PDE4D: variants seen among roughly 807,000 people sequenced by gnomAD.
PDE4D encodes phosphodiesterase 4D.
PDE4D carries 24 observed loss-of-function variants against 87.4 expected under a neutral mutation model. The observed-to-expected ratio is 0.27, with a 90% CI of 0.20 to 0.39. The LOEUF is 0.39. Ranked by LOEUF, PDE4D falls within the 10% of genes least tolerant of loss-of-function variation. The pLI, the probability that PDE4D is intolerant of heterozygous loss-of-function variation, is 1.00. For synonymous variants in PDE4D, 384 were observed against 383.2 expected, an observed-to-expected ratio of 1.00 and a Z score of -0.02; for missense variants, 714 against 1,041.0, an observed-to-expected ratio of 0.69 and a Z score of 4.32.
At chr5:60,063,518 C>T (rs1771722515) in intron 2 of PDE4D, among the ~76,000 whole-genome samples, 1 of 152,030 alleles carries the variant, frequency 6.6e-6, no homozygotes, top group African/African-American at 2.4e-5. Flanking sequence ...TTGCTTGTTC[C>T]TGGGTGTAGG....
intron 1 of PDE4D, among the ~76,000 whole-genome samples, chr5:60,451,516 G>A (rs960325461): frequency 9.9e-5 from 15 of 151,988 alleles, no homozygotes; most frequent in East Asian, 3.9e-4. Flanking sequence ...AGTCTTGGCC[G>A]CTCTCTCAAT....
intron 1 of PDE4D, among the ~76,000 whole-genome samples, chr5:59,247,585 C>T (rs1218702101): frequency 6.6e-6 from 1 of 152,048 alleles, no homozygotes; most frequent in Non-Finnish European, 1.5e-5. Flanking sequence ...AGAATGTAGG[C>T]TTCATATGTT....
At chr5:59,772,639 T>C (rs953412019) in intron 1 of PDE4D, among the ~76,000 whole-genome samples, 1 of 152,202 alleles carries the variant, frequency 6.6e-6, no homozygotes, top group Non-Finnish European at 1.5e-5. Context: ...TTTCCCACAA[T>C]GGAAAGAGAG....
chr5:59,639,560 G>C (rs1741184579), intron 1 of PDE4D, among the ~76,000 whole-genome samples: 1 of 152,184 alleles, frequency 6.6e-6, no homozygotes, highest in Non-Finnish European at 1.5e-5. Context: ...GACTCAAGGA[G>C]AGAGAAAAGT....
chr5:60,272,188 C>A (rs1463795305), intron 1 of PDE4D, among the ~76,000 whole-genome samples: 1 of 152,214 alleles, frequency 6.6e-6, no homozygotes, highest in Non-Finnish European at 1.5e-5. Context: ...TTATGCTCTG[C>A]AGATTGCTAA....
chr5:60,368,252 T>C (rs1462643012), intron 1 of PDE4D, among the ~76,000 whole-genome samples: 1 of 152,222 alleles, frequency 6.6e-6, no homozygotes, highest in South Asian at 2.1e-4. Flanking sequence ...CGATGTGGCT[T>C]CACATTCCTC....
At chr5:60,082,606 A>C (rs1774074733) in intron 2 of PDE4D, among the ~76,000 whole-genome samples, 1 of 152,152 alleles carries the variant, frequency 6.6e-6, no homozygotes, top group Admixed American at 6.5e-5. Context: ...AATTGACCAG[A>C]AAGTTACAGG....
chr5:59,451,655 C>T (rs1187840824), intron 1 of PDE4D, among the ~76,000 whole-genome samples: 1 of 152,186 alleles, frequency 6.6e-6, no homozygotes, highest in African/African-American at 2.4e-5. Context: ...CATGCAGACT[C>T]CACCTCCTAC....
At chr5:59,754,123 A>G (rs1304100399) in intron 1 of PDE4D, among the ~76,000 whole-genome samples, 1 of 152,166 alleles carries the variant, frequency 6.6e-6, no homozygotes, top group East Asian at 1.9e-4. Flanking sequence ...TGAGGTCAGG[A>G]GTTCGAGACC....
chr5:59,497,014 A>C (rs1184061247), intron 1 of PDE4D, among the ~76,000 whole-genome samples: 1 of 152,100 alleles, frequency 6.6e-6, no homozygotes, highest in Non-Finnish European at 1.5e-5. Context: ...ACAAAATTAC[A>C]TCACTACAAG....
rs555533851 is a variant in PDE4D, at chr5:60,440,420, A to C, written c.-90+47522T>G. Among the ~76,000 whole-genome samples the C allele has an allele frequency of 3.3e-4, 50 of 152,262 alleles. 1 individual carries two copies. The highest frequency in any genetic ancestry group is 2.5e-3 in the South Asian group (12 of 4,830). On this transcript the variant is annotated intron_variant, in intron 1 of 16. Coordinates refer to the PDE4D transcript ENST00000502484. ...ACAAGATTTCTTCGTGTGTAATTAA[A>C]CTAAGCCAACATGAATCAAGTAAAC...
chr5:58,990,491 T>A (rs890484765), intron 9 of PDE4D, among the ~76,000 whole-genome samples: 1 of 152,196 alleles, frequency 6.6e-6, no homozygotes, highest in Non-Finnish European at 1.5e-5. Context: ...TAGTACTCCA[T>A]TCTCTATGCA....
intron 1 of PDE4D, among the ~76,000 whole-genome samples, chr5:59,643,904 G>A (rs1561391138): frequency 6.6e-6 from 1 of 152,128 alleles, no homozygotes; most frequent in East Asian, 1.9e-4. Context: ...CATAGACCTG[G>A]GTCTGCCCCC....
intron 5 of PDE4D, among the ~76,000 whole-genome samples, chr5:59,074,634 T>G (rs1765387667): frequency 6.6e-6 from 1 of 152,100 alleles, no homozygotes; most frequent in Non-Finnish European, 1.5e-5. Flanking sequence ...GGTGCATGCC[T>G]GTAATCCCAG....
intron 1 of PDE4D, among the ~76,000 whole-genome samples, chr5:59,254,407 TG>T (rs1197045492): frequency 1.3e-5 from 2 of 152,006 alleles, no homozygotes; most frequent in African/African-American, 2.4e-5. Context: ...GTTTTTTAAA[TG>T]GTGTCTTGGC....
rs1450555256 is a variant in PDE4D at position 59,771,496 on chromosome 5, AGAG to A, written c.455+121669_455+121671del. ...AAGAAAGAAAGAAAGAGAGAGAGAG[AGAG>A]AAGAAAGAAAGAAAGAAAGAAAGAA... is the stretch of plus-strand genomic sequence containing the variant. On this transcript the variant is annotated intron_variant, in intron 1 of 14. Coordinates refer to ENST00000340635, the MANE Select transcript of PDE4D (RefSeq NM_001104631.2). Among the ~76,000 whole-genome samples the A allele has an allele frequency of 1.5e-3, 123 of 83,312 alleles. 1 individual carries two copies. Among genetic ancestry groups the A allele is most frequent in the African/African-American group, 5.8e-3 (121 of 20,836 alleles). 54.7% of individuals were successfully genotyped at this position (83,312 alleles called of 152,430 possible).
At chr5:59,924,257 C>G (rs1378863397) in intron 3 of PDE4D, among the ~76,000 whole-genome samples, 1 of 152,008 alleles carries the variant, frequency 6.6e-6, no homozygotes, top group Non-Finnish European at 1.5e-5. Context: ...AAGGGCAAAT[C>G]TAAGAGTTAT....
At chr5:59,617,658 A>C (rs933031219) in intron 1 of PDE4D, among the ~76,000 whole-genome samples, 9 of 152,208 alleles carry the variant, frequency 5.9e-5, no homozygotes, top group African/African-American at 1.9e-4. Flanking sequence ...ATGCTGCTAC[A>C]AGCAAAGGAA....
intron 1 of PDE4D, among the ~76,000 whole-genome samples, chr5:59,397,949 A>C (rs1274240674): frequency 8.3e-6 from 1 of 120,020 alleles, no homozygotes; most frequent in Non-Finnish European, 1.8e-5. Context: ...AATACTACAA[A>C]CACCTCTATG....
Sources: allele counts gnomAD v4.1 joint callset (sites outside exome capture counted in the v4.1 genomes callset), GRCh38; gene constraint gnomAD v4.1.1; transcripts MANE v1.5; gene names NCBI Gene and HGNC (gene_info 2026-07-23, HGNC 2026-07-21).